TXNDC16: variants seen among roughly 807,000 people sequenced by gnomAD.
The protein encoded by TXNDC16 is thioredoxin domain containing 16.
Under a neutral mutation model 85.6 loss-of-function variants are expected in TXNDC16, and 74 were observed. That is an observed-to-expected ratio of 0.86 (90% confidence interval 0.72 to 1.05). The LOEUF (loss-of-function observed/expected upper bound fraction) is 1.05, where lower values mean the gene tolerates loss of function less well. Ranked by LOEUF, TXNDC16 falls within the 50% of genes least tolerant of loss-of-function variation. The pLI is 0.00. For synonymous variants in TXNDC16, 335 were observed against 326.5 expected (o/e 1.03, Z -0.28); for missense variants, 959 against 947.0 (o/e 1.01, Z -0.17).
chr14:52,513,805 C>T (rs781615933), intron 8 of TXNDC16, among the ~76,000 whole-genome samples: 48 of 151,830 alleles, frequency 3.2e-4, no homozygotes, highest in Non-Finnish European at 5.7e-4. Context: ...CTATTATTTG[C>T]AATTATTCAT....
At chr14:52,532,199 A>C (rs2037596748) in intron 6 of TXNDC16, among the ~76,000 whole-genome samples, 1 of 152,144 alleles carries the variant, frequency 6.6e-6, no homozygotes, top group African/African-American at 2.4e-5. Context: ...GCTCCTAGAA[A>C]TTAATAAAAA....
intron 3 of TXNDC16, 114 bp from the exon 4 acceptor site, chr14:52,542,567 C>G: frequency 1.6e-6 from 1 of 613,746 alleles, no homozygotes; most frequent in Non-Finnish European, 2.9e-6. Flanking sequence ...CAACAAATAA[C>G]TAAACATATC....
chr14:52,440,831 T>C, intron 18 of TXNDC16, 107 bp from the exon 19 acceptor site: 1 of 1,018,706 alleles, frequency 9.8e-7, no homozygotes, highest in Non-Finnish European at 1.4e-6. Context: ...TAAAATGTAA[T>C]TCAAACACAT....
At chr14:52,462,079 A>C (rs1270999270) in intron 16 of TXNDC16, among the ~76,000 whole-genome samples, 4 of 152,240 alleles carry the variant, frequency 2.6e-5, no homozygotes, top group African/African-American at 9.6e-5. Context: ...GATTTACCAA[A>C]TATCACACAT....
At chr14:52,507,436 T>C (rs1387724113) in intron 9 of TXNDC16, among the ~76,000 whole-genome samples, 10 of 152,142 alleles carry the variant, frequency 6.6e-5, no homozygotes, top group South Asian at 6.2e-4. Flanking sequence ...AATGGAAGAA[T>C]ATTCCATGCT....
chr14:52,546,247 C>T (rs1409615927), intron 1 of TXNDC16, among the ~76,000 whole-genome samples: 1 of 152,094 alleles, frequency 6.6e-6, no homozygotes, highest in Non-Finnish European at 1.5e-5. Context: ...TGCACTCCAG[C>T]CTGGGTGAAA....
intron 5 of TXNDC16, among the ~76,000 whole-genome samples, chr14:52,537,301 A>G (rs1039959795): frequency 6.6e-6 from 1 of 152,174 alleles, no homozygotes; most frequent in Admixed American, 6.5e-5. Context: ...TGTGGACCTG[A>G]CATATCTACC....
At chr14:52,544,682 C>T (rs1350730099) in intron 1 of TXNDC16, among the ~76,000 whole-genome samples, 1 of 151,748 alleles carries the variant, frequency 6.6e-6, no homozygotes, top group African/African-American at 2.4e-5. Flanking sequence ...TAATATCTCT[C>T]TCTAACAAGC....
chr14:52,549,473 T>G (rs2038002087), intron 1 of TXNDC16, among the ~76,000 whole-genome samples: 1 of 152,182 alleles, frequency 6.6e-6, no homozygotes, highest in South Asian at 2.1e-4. Flanking sequence ...GAGGAAGTAC[T>G]TCAAGAGAAA....
At chr14:52,514,683 G>T (rs3742533) in intron 8 of TXNDC16, among the ~76,000 whole-genome samples, 197 bp downstream of exon 8, 75,715 of 151,830 alleles carry the variant, frequency 0.5, 19,586 homozygotes, top group East Asian at 0.7. Flanking sequence ...ACATCACTTC[G>T]GTATATTTTA....
chr14:52,459,619 A>G (rs1033778634), intron 16 of TXNDC16, among the ~76,000 whole-genome samples: 1 of 152,188 alleles, frequency 6.6e-6, no homozygotes, highest in African/African-American at 2.4e-5. Context: ...AGACACAACA[A>G]AAGAAGAAAA....
intron 20 of TXNDC16, among the ~76,000 whole-genome samples, chr14:52,438,276 T>C (rs567444629): frequency 4.6e-5 from 7 of 152,296 alleles, no homozygotes; most frequent in Admixed American, 4.6e-4. Context: ...TAAAATGCTA[T>C]CAAACAGCAT....
At chr14:52,543,776 C>G in intron 2 of TXNDC16, 146 bp from the exon 3 acceptor site, 2 of 472,072 alleles carry the variant, frequency 4.2e-6, no homozygotes, top group South Asian at 5.1e-5. Flanking sequence ...TGAGGGGGGA[C>G]AATATATAAC....
chr14:52,432,635 G>A (rs548097792), intron 20 of TXNDC16, 48 bp from the exon 21 acceptor site: 10 of 1,476,510 alleles, frequency 6.8e-6, no homozygotes, highest in African/African-American at 2.9e-5. Flanking sequence ...GCTATAAATC[G>A]TCACATCAAC....
At chr14:52,506,535 T>C (rs2036807954) in intron 9 of TXNDC16, among the ~76,000 whole-genome samples, 1 of 137,670 alleles carries the variant, frequency 7.3e-6, no homozygotes, top group Non-Finnish European at 1.5e-5. Context: ...CCCTTTTTTT[T>C]TTTTTTTTTT....
intron 11 of TXNDC16, among the ~76,000 whole-genome samples, chr14:52,489,540 C>A (rs2036352951): frequency 6.6e-6 from 1 of 152,048 alleles, no homozygotes; most frequent in East Asian, 1.9e-4. Flanking sequence ...ATATAATAAA[C>A]TTAAAAAGTA....
At chr14:52,456,151 T>C (rs1440028751) in intron 17 of TXNDC16, among the ~76,000 whole-genome samples, 2 of 152,226 alleles carry the variant, frequency 1.3e-5, no homozygotes, top group Middle Eastern at 3.2e-3. Context: ...ACTTAATTCA[T>C]GCCAGAACAA....
intron 18 of TXNDC16, among the ~76,000 whole-genome samples, chr14:52,452,989 T>C (rs1245353517): frequency 1.3e-5 from 2 of 151,996 alleles, no homozygotes; most frequent in Admixed American, 1.3e-4. Context: ...TCTGTATCAG[T>C]AGGAAAAAAT....
At chr14:52,455,610 A>T (rs993339872) in intron 17 of TXNDC16, 148 bp from the exon 18 acceptor site, 3 of 794,380 alleles carry the variant, frequency 3.8e-6, no homozygotes, top group Non-Finnish European at 5.9e-6. Flanking sequence ...AGGCAAACTT[A>T]TCTTCTATGA....
Sources: allele counts gnomAD v4.1 joint callset (sites outside exome capture counted in the v4.1 genomes callset), GRCh38; gene constraint gnomAD v4.1.1; transcripts MANE v1.5; gene names NCBI Gene and HGNC (gene_info 2026-07-23, HGNC 2026-07-21).